The following DTNB variants were observed in gnomAD, a reference collection of about 807,000 sequenced individuals.
The protein encoded by DTNB is DTN-B.
A neutral mutation model predicts 90.7 loss-of-function variants in DTNB; 63 were observed. The observed-to-expected ratio is 0.69, with a 90% CI of 0.57 to 0.86. The LOEUF is 0.86. DTNB is among the 40% of genes least tolerant of loss of function. DTNB has a pLI of 0.00. For missense variants in DTNB, 744 were observed against 807.1 expected (o/e 0.92, Z 0.95); for synonymous variants, 277 against 286.7 (o/e 0.97, Z 0.34).
At chr2:25,404,169 A>G (rs2044446239) in intron 16 of DTNB, among the ~76,000 whole-genome samples, 1 of 152,130 alleles carries the variant, frequency 6.6e-6, no homozygotes, top group Non-Finnish European at 1.5e-5. Context: ...CTGAGGCAAT[A>G]TCTCCACTCT....
At chr2:25,543,750 G>A (rs781434150) in intron 8 of DTNB, among the ~76,000 whole-genome samples, 1 of 151,912 alleles carries the variant, frequency 6.6e-6, no homozygotes, top group Non-Finnish European at 1.5e-5. Flanking sequence ...TCCTTTTCAG[G>A]TTTTATTTTC....
intron 8 of DTNB, among the ~76,000 whole-genome samples, chr2:25,532,749 T>C (rs1038029337): frequency 1.3e-4 from 20 of 152,252 alleles, no homozygotes; most frequent in African/African-American, 4.6e-4. Flanking sequence ...TTTAAATATT[T>C]CATTCTGCTG....
chr2:25,555,014 G>T (rs2057032558), intron 8 of DTNB, among the ~76,000 whole-genome samples: 6 of 152,000 alleles, frequency 3.9e-5, no homozygotes, highest in Admixed American at 3.9e-4. Context: ...AAAAAGATCT[G>T]GGCGAGGTAC....
intron 10 of DTNB, among the ~76,000 whole-genome samples, chr2:25,477,778 G>A (rs1409487216): frequency 6.6e-6 from 1 of 152,118 alleles, no homozygotes; most frequent in Non-Finnish European, 1.5e-5. Flanking sequence ...GAAGCCCATA[G>A]CTGTAATTCC....
chr2:25,579,185 C>G (rs1192957971), intron 7 of DTNB, among the ~76,000 whole-genome samples: 1 of 152,124 alleles, frequency 6.6e-6, no homozygotes, highest in Admixed American at 6.5e-5. Context: ...GGACATAAAA[C>G]TACTAAAACA....
chr2:25,589,189 C>T (rs2063020490), intron 6 of DTNB, among the ~76,000 whole-genome samples: 1 of 151,958 alleles, frequency 6.6e-6, no homozygotes, highest in Non-Finnish European at 1.5e-5. Flanking sequence ...TAGTATAATC[C>T]CATTTTTATA....
intron 16 of DTNB, among the ~76,000 whole-genome samples, chr2:25,416,975 T>A (rs1031546985): frequency 1.3e-5 from 2 of 152,198 alleles, no homozygotes; most frequent in African/African-American, 4.8e-5. Flanking sequence ...CAGTTGTACA[T>A]CTGAAAAACA....
intron 18 of DTNB, 61 bp from the exon 19 acceptor site, chr2:25,383,950 G>C: frequency 6.2e-7 from 1 of 1,612,666 alleles, no homozygotes. Context: ...ACAGAAGGAG[G>C]GTGAACAAAG....
chr2:25,476,519 T>C (rs1298374237), intron 10 of DTNB, among the ~76,000 whole-genome samples: 1 of 152,154 alleles, frequency 6.6e-6, no homozygotes, highest in Non-Finnish European at 1.5e-5. Flanking sequence ...TTAAAAACAT[T>C]TGTGATTCAT....
chr2:25,482,782 C>T lies in DTNB; in HGVS notation c.1079+14G>A, dbSNP rs755758251. ...GAGGCCAACACCCAAGTCGAAGGCA[C>T]AAGACATACGTACCTCTTGGTGGGA... On this transcript the variant is annotated intron_variant, in intron 10 of 20. Coordinates refer to ENST00000406818, the MANE Select transcript of DTNB (RefSeq NM_021907.5). 2 of 1,613,526 alleles carry T rather than the reference C, an allele frequency of 1.2e-6. No homozygotes were observed. Among genetic ancestry groups the T allele is most frequent in the South Asian group, 1.1e-5 (1 of 91,030 alleles).
At chr2:25,395,700 T>C (rs1176068319) in intron 16 of DTNB, among the ~76,000 whole-genome samples, 1 of 152,096 alleles carries the variant, frequency 6.6e-6, no homozygotes, top group Non-Finnish European at 1.5e-5. Context: ...TCATTGCAAC[T>C]GATTTGTAGG....
Position 25,377,351 on chromosome 2 carries a change from A to AG in DTNB, c.*231dup, listed in dbSNP as rs1325129884. On this transcript the variant is annotated 3_prime_UTR_variant, in exon 21 of 21. Transcript: ENST00000406818. The stretch of plus-strand genomic sequence containing the variant: ...GGTGCTAGTACATGCAGGGCTGTGC[A>AG]GGGGGAGGCCCACTAGCTGTGCCAC... The AG allele has an allele frequency of 2.6e-5, 4 of 152,970 alleles. No homozygotes were observed. The highest frequency in any genetic ancestry group is 5.9e-5 in the Non-Finnish European group (4 of 68,180). The allele number at this position is 152,970 out of a possible 1,614,324, so 9.5% of individuals were successfully genotyped here. A position where few individuals can be genotyped will look rare whatever the true frequency, so the allele number is the denominator to read the frequency against.
At chr2:25,632,197 A>C (rs1290983820) in intron 3 of DTNB, among the ~76,000 whole-genome samples, 1 of 150,880 alleles carries the variant, frequency 6.6e-6, no homozygotes, top group Non-Finnish European at 1.5e-5. Flanking sequence ...TGTCTCAAAA[A>C]AAAAAAAAAA....
At chr2:25,440,657 A>AT (rs2057164814) in intron 12 of DTNB, among the ~76,000 whole-genome samples, 1 of 150,720 alleles carries the variant, frequency 6.6e-6, no homozygotes, top group Non-Finnish European at 1.5e-5. Context: ...GTGGTTCCCT[A>AT]TTTTAACTTA....
intron 10 of DTNB, among the ~76,000 whole-genome samples, chr2:25,458,119 C>T (rs2060332946): frequency 6.6e-6 from 1 of 152,162 alleles, no homozygotes; most frequent in South Asian, 2.1e-4. Context: ...AGGTGTGAGC[C>T]ACCATGCCTG....
chr2:25,393,388 C>A (rs1310633658), intron 16 of DTNB, among the ~76,000 whole-genome samples: 1 of 152,096 alleles, frequency 6.6e-6, no homozygotes, highest in Non-Finnish European at 1.5e-5. Flanking sequence ...CCAGAGCAAT[C>A]AGACAAGAGA....
intron 8 of DTNB, among the ~76,000 whole-genome samples, chr2:25,566,014 C>A (rs983769436): frequency 6.6e-6 from 1 of 152,086 alleles, no homozygotes; most frequent in African/African-American, 2.4e-5. Flanking sequence ...GCTATCATTC[C>A]TTCGATTACA....
chr2:25,455,449 A>G lies in DTNB; in HGVS notation c.1125T>C (p.His375=). 6.2e-7 allele frequency: 1 copy of G among 1,607,606 alleles called. No individual in the cohort carries two copies. Among genetic ancestry groups the G allele is most frequent in the Non-Finnish European group, 8.5e-7 (1 of 1,177,190 alleles). The change falls in exon 11 of 21, where the codon CAT becomes CAC. Residue 375 remains histidine (H), a synonymous_variant. Coordinates refer to ENST00000406818, the MANE Select transcript of DTNB (RefSeq NM_021907.5). The part of the protein sequence containing the change: ...QDIPSHLADE[H]ALIASYVARL... The stretch of plus-strand genomic sequence containing the variant: ...GGGCCACATAGGAGGCTATCAGCGC[A>G]TGCTCATCGGCCAAGTGACTGGGTA...
intron 16 of DTNB, among the ~76,000 whole-genome samples, chr2:25,408,934 T>G (rs1378734303): frequency 2.6e-5 from 4 of 152,118 alleles, no homozygotes; most frequent in African/African-American, 9.7e-5. Flanking sequence ...AACAATCCCA[T>G]GCTGAAAGAA....
Sources: gnomAD v4.1 joint callset for allele counts (sites outside exome capture counted in the v4.1 genomes callset) on GRCh38, gnomAD v4.1.1 for gene constraint, MANE v1.5 for transcripts, NCBI Gene and HGNC (gene_info 2026-07-23, HGNC 2026-07-21) for gene names.